KCNH3: variants seen among roughly 807,000 people sequenced by gnomAD.
KCNH3 encodes voltage-gated inwardly rectifying potassium channel KCNH3.
A neutral mutation model predicts 95.6 loss-of-function variants in KCNH3; 36 were observed. That is an observed-to-expected ratio of 0.38 (90% CI 0.29 to 0.50). The LOEUF is 0.50. Among genes scored for constraint, KCNH3 ranks in the 20% least tolerant of loss-of-function variants. The pLI is 0.95. For missense variants in KCNH3, 1,030 were observed against 1,484.1 expected, an observed-to-expected ratio of 0.69 and a Z score of 5.03; for synonymous variants, 620 against 646.3, an observed-to-expected ratio of 0.96 and a Z score of 0.62.
At chr12:49,541,478 C>T in intron 2 of KCNH3, 152 bp from the exon 3 acceptor site, 1 of 894,944 alleles carries the variant, frequency 1.1e-6, no homozygotes, top group Non-Finnish European at 1.8e-6. Context: ...CCATCAAGCC[C>T]TGCCTTCAGT....
chr12:49,546,496 C>T (rs557735744), intron 7 of KCNH3, among the ~76,000 whole-genome samples: 19 of 152,268 alleles, frequency 1.2e-4, no homozygotes, highest in South Asian at 1.2e-3. Context: ...AGCTCCTTCT[C>T]CAAGCTTCCT....
chr12:49,555,166 C>T (rs1938390775), intron 11 of KCNH3, among the ~76,000 whole-genome samples: 1 of 151,684 alleles, frequency 6.6e-6, no homozygotes. Flanking sequence ...TCTGGCCGGG[C>T]GCGGTGGCCC....
Position 49,546,450 on chromosome 12 carries a change from G to C in KCNH3, c.1189+2068G>C, listed in dbSNP as rs367908197. On this transcript the variant is annotated intron_variant, in intron 7 of 14. Coordinates refer to ENST00000257981, the MANE Select transcript of KCNH3 (RefSeq NM_012284.3). ...GCAGGGGGAGGTGAGGCTGAGGTGG[G>C]GGGGTGGGCAGCTGGCCCAGTTCAG... 2.0e-5 allele frequency among the ~76,000 whole-genome samples: 3 copies of C among 152,128 alleles called. No individual in the cohort carries two copies. In the East Asian group the frequency reaches 5.8e-4, roughly 29 times the overall value.
chr12:49,544,073 G>C lies in KCNH3; in HGVS notation c.981+1G>C. ...GCTACATGCCTTCAAGGTCAACGTG[G>C]TCAGTGTGGCTGGGCTGGCTGGGTG... On this transcript the variant is annotated splice_donor_variant, in intron 6 of 14. Coordinates refer to ENST00000257981, the MANE Select transcript of KCNH3 (RefSeq NM_012284.3). LOFTEE classifies it high-confidence loss of function. 6.2e-7 allele frequency: 1 copy of C among 1,609,436 alleles called. No individual in the cohort carries two copies. The highest frequency in any genetic ancestry group is 8.5e-7 in the Non-Finnish European group (1 of 1,176,080).
chr12:49,558,153 C>G lies in KCNH3; in HGVS notation c.*200C>G. ...TGGATCCCTGGGGCAGGCCTCTCCTCGGCCTGCTCCTCTGACCTCCCGGTC... is the reference window on the plus strand; with the variant it reads ...TGGATCCCTGGGGCAGGCCTCTCCTGGGCCTGCTCCTCTGACCTCCCGGTC... On this transcript the variant is annotated 3_prime_UTR_variant, in exon 15 of 15. Coordinates refer to ENST00000257981, the MANE Select transcript of KCNH3 (RefSeq NM_012284.3). The G allele has an allele frequency of 2.1e-6, 1 of 483,946 alleles. No homozygotes were observed. The highest frequency in any genetic ancestry group is 9.2e-5 in the South Asian group (1 of 10,928). 30.0% of individuals were successfully genotyped at this position (483,946 alleles called of 1,614,324 possible). A position where few individuals can be genotyped will look rare whatever the true frequency, so the allele number is the denominator to read the frequency against.
At chr12:49,548,723 G>A (rs550159765) in intron 7 of KCNH3, among the ~76,000 whole-genome samples, 172 bp from the exon 8 acceptor site, 2 of 152,310 alleles carry the variant, frequency 1.3e-5, no homozygotes, top group South Asian at 4.1e-4. Context: ...GGAAATGGCA[G>A]ACTCTTCTGA....
Position 49,554,333 on chromosome 12 carries a change from C to T in KCNH3, c.1919-4C>T. The stretch of plus-strand genomic sequence containing the variant: ...GCTTGCTGACCTCTACTTCCTCTCC[C>T]CAGGGAAGGGCGACCTGATCGGCTG... On this transcript the variant is annotated splice_polypyrimidine_tract_variant and splice_region_variant and intron_variant, in intron 10 of 14. Coordinates refer to ENST00000257981, the MANE Select transcript of KCNH3 (RefSeq NM_012284.3). 1.2e-6 allele frequency: 2 copies of T among 1,613,084 alleles called. No individual in the cohort carries two copies. The highest frequency in any genetic ancestry group is 1.7e-6 in the Non-Finnish European group (2 of 1,179,808).
intron 7 of KCNH3, 118 bp downstream of exon 7, chr12:49,544,500 CAGAG>C (rs918740340): frequency 1.2e-5 from 12 of 993,550 alleles, no homozygotes; most frequent in Non-Finnish European, 1.8e-5. Context: ...GTGTGCAAAT[CAGAG>C]AAGAGGGTGT....
At chr12:49,551,086 C>T (rs747707949) in intron 10 of KCNH3, among the ~76,000 whole-genome samples, 2 of 152,192 alleles carry the variant, frequency 1.3e-5, no homozygotes, top group Non-Finnish European at 2.9e-5. Context: ...AGCTAGGAAT[C>T]GGCCAGCCGG....
chr12:49,557,047 G>A (rs1938484589), intron 13 of KCNH3, 136 bp from the exon 14 acceptor site: 2 of 855,202 alleles, frequency 2.3e-6, no homozygotes, highest in Non-Finnish European at 3.7e-6. Flanking sequence ...AGCACCTTGG[G>A]CAAGGCCAGA....
At chr12:49,545,479 G>A (rs1283934581) in intron 7 of KCNH3, among the ~76,000 whole-genome samples, 2 of 139,038 alleles carry the variant, frequency 1.4e-5, no homozygotes, top group South Asian at 2.5e-4. Context: ...TGCAAGCTCC[G>A]CCTCCTGGGT....
chr12:49,544,141 T>TCCCCA, intron 6 of KCNH3, 34 bp from the exon 7 acceptor site: 12 of 1,413,316 alleles, frequency 8.5e-6, no homozygotes, highest in Non-Finnish European at 1.1e-5. Flanking sequence ...CCCGCTGACC[T>TCCCCA]CCCTCCCTCC....
rs1434231494 is a variant in KCNH3 at position 49,543,403 on chromosome 12, C to T, written c.708C>T (p.Leu236=). 1 of 1,610,970 alleles carries T rather than the reference C, an allele frequency of 6.2e-7. No individual in the cohort carries two copies. Among genetic ancestry groups the T allele is most frequent in the Non-Finnish European group, 8.5e-7 (1 of 1,180,002 alleles). ...TWDGFILLAT[L]YVAVTVPYSV... ...ATGGCTTCATCCTGCTCGCCACACT[C>T]TATGTGGCTGTCACTGTGCCCTACA... Residue 236 remains leucine (L), a synonymous_variant, in exon 5 of 15, where the codon CTC becomes CTT. Coordinates refer to ENST00000257981, the MANE Select transcript of KCNH3 (RefSeq NM_012284.3).
rs375475756 is a variant in KCNH3, at chr12:49,549,616, G to T, written c.1644G>T (p.Val548=). The T allele has an allele frequency of 5.0e-6, 8 of 1,610,898 alleles. No homozygotes were observed. Among genetic ancestry groups the T allele is most frequent in the East Asian group, 2.2e-5 (1 of 44,890 alleles). The change falls in exon 9 of 15, where the codon GTG becomes GTT. Residue 548 remains valine (V), a synonymous_variant. Coordinates refer to ENST00000257981, the MANE Select transcript of KCNH3 (RefSeq NM_012284.3). ...AGTACTTCCAGGCCACCTGGGCGGT[G>T]AACAATGGCATCGACACCACCGAGG... The part of the protein sequence containing the change: ...MLEYFQATWA[V]NNGIDTTELL...
chr12:49,557,262 G>GGGTGAGGGGGAAGGTGGA lies in KCNH3; in HGVS notation c.2652+14_2652+31dup, dbSNP rs1565784014. ...CACTGGACAAGCTTCGGCAGGCGGT[G>GGGTGAGGGGGAAGGTGGA]GGTGAGGGGGAAGGTGGAGGTGAGG... On this transcript the variant is annotated splice_donor_region_variant and intron_variant, in intron 14 of 14. Coordinates refer to ENST00000257981, the MANE Select transcript of KCNH3 (RefSeq NM_012284.3). 4.3e-6 allele frequency: 7 copies of GGGTGAGGGGGAAGGTGGA among 1,613,996 alleles called. No homozygotes were observed. The highest frequency in any genetic ancestry group is 5.9e-6 in the Non-Finnish European group (7 of 1,179,992).
At chr12:49,543,219 CT>C (rs1937935127) in intron 4 of KCNH3, 55 bp from the exon 5 acceptor site, 4 of 1,576,980 alleles carry the variant, frequency 2.5e-6, no homozygotes, top group Non-Finnish European at 3.4e-6. Flanking sequence ...TCTATCCAAA[CT>C]CAGCCTGTGC....
rs777219730 is a variant in KCNH3 at position 49,557,433 on chromosome 12, C to T, written c.2732C>T (p.Ala911Val). The T allele has an allele frequency of 5.4e-5, 86 of 1,605,070 alleles. No homozygotes were observed. The highest frequency in any genetic ancestry group is 8.9e-5 in the East Asian group (4 of 44,716). ...SLRQAVQLVLAPHREGPCPRA... is the reference protein window; with the variant it reads ...SLRQAVQLVLVPHREGPCPRA... Reference sequence around the variant, plus strand: ...CGCCAGGCTGTGCAGCTTGTCCTGGCGCCCCACAGGGAGGGTCCGTGCCCT... The same window carrying T: ...CGCCAGGCTGTGCAGCTTGTCCTGGTGCCCCACAGGGAGGGTCCGTGCCCT... The change falls in exon 15 of 15, where the codon GCG becomes GTG. Residue 911 changes from alanine to valine, a missense_variant. Ala to Val is a moderately conservative substitution (Grantham distance 64, BLOSUM62 0). Around this residue, in one of 9 missense-constraint regions of KCNH3, gnomAD observed 464 missense variants for 493.2 expected, o/e 0.94. Coordinates refer to ENST00000257981, the MANE Select transcript of KCNH3 (RefSeq NM_012284.3).
At chr12:49,554,635 A>T in intron 11 of KCNH3, 81 bp downstream of exon 11, 1 of 1,265,028 alleles carries the variant, frequency 7.9e-7, no homozygotes, top group Non-Finnish European at 1.1e-6. Context: ...GGGATGGTGG[A>T]GAGCTGTGTG....
At position 49,555,687 on chromosome 12, in the gene KCNH3, G is replaced by A. The variant is rs1488921890; in HGVS notation, c.2204G>A (p.Gly735Glu). 6.2e-7 allele frequency: 1 copy of A among 1,605,376 alleles called. No individual in the cohort carries two copies. Among genetic ancestry groups the A allele is most frequent in the African/African-American group, 1.3e-5 (1 of 74,694 alleles). The change falls in exon 12 of 15, where the codon GGG becomes GAG. Residue 735 changes from glycine to glutamate, a missense_variant. By Grantham distance (98) the Gly-to-Glu change is moderately conservative. Transcript: ENST00000257981. The part of the protein sequence containing the change: ...MSTLEEKETD[G>E]EQGPTVSPAP... The stretch of plus-strand genomic sequence containing the variant: ...ACGCTGGAGGAGAAGGAGACAGATG[G>A]GGAGCAGGGCCCCACGGTCTCCCCA...
Sources: gnomAD v4.1 joint callset for allele counts (sites outside exome capture counted in the v4.1 genomes callset) on GRCh38, gnomAD v4.1.1 for gene constraint, gnomAD v4.1.1 regional missense constraint, MANE v1.5 for transcripts, NCBI Gene and HGNC (gene_info 2026-07-23, HGNC 2026-07-21) for gene names.